FAM120C: variants seen among roughly 807,000 people sequenced by gnomAD.
FAM120C encodes the protein family with sequence similarity 120 member C, also known as constitutive coactivator of PPAR-gamma-like protein 2.
In FAM120C, 14 loss-of-function variants were observed where a neutral mutation model predicts 71.2. That is an observed-to-expected ratio of 0.20 (90% CI 0.13 to 0.31). The LOEUF (loss-of-function observed/expected upper bound fraction) is 0.31. Among genes scored for constraint, FAM120C ranks in the 10% least tolerant of loss-of-function variants. The probability of loss-of-function intolerance (pLI) is 1.00; values close to 1 mark genes in which losing one functional copy is unlikely to be tolerated. For missense variants in FAM120C, 500 were observed against 879.0 expected (o/e 0.57, Z 5.45); for synonymous variants, 354 against 353.2 (o/e 1.00, Z -0.03).
At chrX:54,149,627 G>A (rs1000984936) in intron 4 of FAM120C, among the ~76,000 whole-genome samples, 3 of 64,572 alleles carry the variant, frequency 4.6e-5, no homozygotes, top group African/African-American at 1.8e-4. Flanking sequence ...CAACAAGAGC[G>A]AGGCATTGTC....
At chrX:54,131,379 C>T (rs1217794181) in intron 9 of FAM120C, among the ~76,000 whole-genome samples, 1 of 111,095 alleles carries the variant, frequency 9.0e-6, no homozygotes, top group Admixed American at 9.6e-5. Flanking sequence ...AGCAATCTTC[C>T]CACCTCAGTC....
Position 54,110,956 on chromosome X carries a change from A to C in FAM120C, c.2312+5589T>G, listed in dbSNP as rs782719985. Among the ~76,000 whole-genome samples the C allele has an allele frequency of 2.7e-5, 3 of 109,670 alleles. No homozygotes were observed. The South Asian group carries it at 1.2e-3, about 44-fold the overall frequency. On this transcript the variant is annotated intron_variant, in intron 10 of 15. Coordinates refer to ENST00000375180, the MANE Select transcript of FAM120C (RefSeq NM_017848.6). ...GCCCCTGTAATCCCAGCTATTCTGG[A>C]GGCTGAGGCAGGAGAATCACTTGAA...
intron 10 of FAM120C, among the ~76,000 whole-genome samples, chrX:54,099,163 C>T (rs1437896387): frequency 7.3e-5 from 8 of 108,869 alleles, no homozygotes; most frequent in African/African-American, 2.7e-4. Context: ...CACAGGTGCA[C>T]AGCTACGCCC....
intron 1 of FAM120C, among the ~76,000 whole-genome samples, chrX:54,160,001 GTTTT>G (rs1167341165): frequency 9.3e-6 from 1 of 107,182 alleles, no homozygotes; most frequent in African/African-American, 3.4e-5. Flanking sequence ...TATTCCCCTG[GTTTT>G]TTTTTCACTC....
intron 10 of FAM120C, among the ~76,000 whole-genome samples, chrX:54,110,411 GAGA>G (rs2066930559): frequency 9.1e-6 from 1 of 110,432 alleles, no homozygotes; most frequent in African/African-American, 3.3e-5. Flanking sequence ...TCAGTGAAGG[GAGA>G]AGTATACTGA....
At chrX:54,108,554 G>A (rs1352032635) in intron 10 of FAM120C, among the ~76,000 whole-genome samples, 1 of 111,444 alleles carries the variant, frequency 9.0e-6, no homozygotes, top group African/African-American at 3.3e-5. Context: ...CTTAATAACT[G>A]AAACAATGTG....
intron 9 of FAM120C, among the ~76,000 whole-genome samples, chrX:54,117,393 A>C (rs782561576): frequency 1.7e-4 from 18 of 104,049 alleles, no homozygotes; most frequent in African/African-American, 5.6e-4. Context: ...ATAAAATAAA[A>C]TAAAATAAAA....
Position 54,183,221 on chromosome X carries a change from A to T in FAM120C, c.-23T>A. The T allele has an allele frequency of 1.1e-5, 11 of 1,023,147 alleles. No homozygotes were observed. Among genetic ancestry groups the T allele is most frequent in the Non-Finnish European group, 1.4e-5 (11 of 796,776 alleles). The allele number at this position is 1,023,147 out of a possible 1,213,427, so 84.3% of individuals were successfully genotyped here. A position where few individuals can be genotyped will look rare whatever the true frequency, so the allele number is the denominator to read the frequency against. ...CATGCTTCGTCGGTGGGCAGACGCG[A>T]TAGCGGCTGCGCAAGCAGGATAGGC... On this transcript the variant is annotated 5_prime_UTR_variant, in exon 1 of 16. Transcript: ENST00000375180.
chrX:54,078,539 A>T (rs1439796608), intron 15 of FAM120C, among the ~76,000 whole-genome samples: 1 of 111,408 alleles, frequency 9.0e-6, no homozygotes, highest in African/African-American at 3.3e-5. Context: ...ACATTAAACC[A>T]AATTTATCTT....
chrX:54,168,326 G>T (rs1557135486), intron 1 of FAM120C, among the ~76,000 whole-genome samples: 1 of 110,700 alleles, frequency 9.0e-6, no homozygotes, highest in Non-Finnish European at 1.9e-5. Flanking sequence ...TGTAGAGACA[G>T]GTCTTGCTAT....
chrX:54,117,336 G>A (rs2066973301), intron 9 of FAM120C, among the ~76,000 whole-genome samples: 1 of 94,709 alleles, frequency 1.1e-5, no homozygotes, highest in African/African-American at 4.2e-5. Flanking sequence ...CTGGGTGACA[G>A]AGTGAAATCC....
intron 11 of FAM120C, among the ~76,000 whole-genome samples, chrX:54,090,002 T>C (rs1201409038): frequency 9.1e-6 from 1 of 110,150 alleles, no homozygotes; most frequent in African/African-American, 3.3e-5. Flanking sequence ...GGGTTTTACA[T>C]GGATTACTTT....
intron 10 of FAM120C, among the ~76,000 whole-genome samples, chrX:54,102,894 A>G (rs2066889120): frequency 9.2e-6 from 1 of 108,862 alleles, no homozygotes; most frequent in Non-Finnish European, 1.9e-5. Flanking sequence ...TAATTTTTGT[A>G]TTTTTAGTAG....
At chrX:54,074,399 G>A (rs148709405) in intron 15 of FAM120C, among the ~76,000 whole-genome samples, 1 of 112,526 alleles carries the variant, frequency 8.9e-6, no homozygotes, top group African/African-American at 3.2e-5. Flanking sequence ...AGATCTATGT[G>A]CAATATTCCA....
chrX:54,149,780 T>C (rs1193833895), intron 4 of FAM120C, among the ~76,000 whole-genome samples: 3 of 111,895 alleles, frequency 2.7e-5, no homozygotes, highest in Non-Finnish European at 5.6e-5. Context: ...GCATGTTTTT[T>C]GGGGTAGTAC....
intron 10 of FAM120C, among the ~76,000 whole-genome samples, chrX:54,101,391 C>T (rs1354252543): frequency 8.1e-5 from 9 of 111,648 alleles, no homozygotes; most frequent in African/African-American, 2.6e-4. Flanking sequence ...TCTGAAGTGC[C>T]GTTAGGGCCT....
intron 1 of FAM120C, among the ~76,000 whole-genome samples, chrX:54,165,898 A>G (rs1557135102): frequency 9.0e-6 from 1 of 111,229 alleles, no homozygotes; most frequent in African/African-American, 3.3e-5. Context: ...AAAACGGTCA[A>G]TACTCTTGAC....
At chrX:54,148,483 C>T (rs782258045) in intron 4 of FAM120C, among the ~76,000 whole-genome samples, 7 of 111,056 alleles carry the variant, frequency 6.3e-5, no homozygotes, top group East Asian at 2.8e-4. Flanking sequence ...CCTGTCTCTA[C>T]GAAAAGTACA....
intron 7 of FAM120C, among the ~76,000 whole-genome samples, chrX:54,134,379 TA>T (rs2067083820): frequency 8.9e-6 from 1 of 112,473 alleles, no homozygotes; most frequent in South Asian, 3.7e-4. Flanking sequence ...CTAATCTGCT[TA>T]GAGGAATAAT....
Sources: allele counts gnomAD v4.1 joint callset (sites outside exome capture counted in the v4.1 genomes callset), GRCh38; gene constraint gnomAD v4.1.1; transcripts MANE v1.5; gene names NCBI Gene and HGNC (gene_info 2026-07-23, HGNC 2026-07-21).